The following NAA25 variants were observed in gnomAD, a reference collection of about 807,000 sequenced individuals.
NAA25 encodes the protein N-alpha-acetyltransferase 25, NatB auxiliary subunit.
A neutral mutation model predicts 132.5 loss-of-function variants in NAA25; 30 were observed. The observed-to-expected ratio is 0.23, with a 90% CI of 0.17 to 0.31. The LOEUF (loss-of-function observed/expected upper bound fraction) is 0.31, where lower values mean the gene tolerates loss of function less well. Among genes scored for constraint, NAA25 ranks in the 10% least tolerant of loss-of-function variants. The pLI, the probability that NAA25 is intolerant of heterozygous loss-of-function variation, is 1.00. For synonymous variants in NAA25, 359 were observed against 401.9 expected (o/e 0.89, Z 1.28); for missense variants, 771 against 1,150.4 (o/e 0.67, Z 4.77).
intron 15 of NAA25, among the ~76,000 whole-genome samples, chr12:112,051,099 G>C (rs565786610): frequency 1.2e-4 from 18 of 152,294 alleles, no homozygotes; most frequent in Non-Finnish European, 2.4e-4. Flanking sequence ...CACACAGTAA[G>C]ACACTACAAT....
At chr12:112,097,815 G>GA (rs1158128558) in intron 1 of NAA25, among the ~76,000 whole-genome samples, 3 of 151,828 alleles carry the variant, frequency 2.0e-5, no homozygotes, top group Non-Finnish European at 4.4e-5. Flanking sequence ...GAGTAAGCAG[G>GA]AAAAAACATT....
chr12:112,048,185 C>T, intron 16 of NAA25, 107 bp downstream of exon 16: 1 of 1,064,678 alleles, frequency 9.4e-7, no homozygotes, highest in Admixed American at 2.6e-5. Context: ...TCCCTTTTTT[C>T]CCCCTATTTT....
rs2078869976 is a variant in NAA25, at chr12:112,074,709, C to T, written c.832G>A (p.Glu278Lys). ...TCAGCAGGAGGACTCCAGGCCTCTT[C>T]AATCAGTCGAAAGACAGAATCGAAA... The part of the protein sequence containing the change: ...TYFDSVFRLI[E>K]EAWSPPAEGE... Residue 278 changes from glutamate (E) to lysine (K), a missense_variant, in exon 9 of 24, where the codon GAA becomes AAA. Physicochemically the swap from Glu to Lys is moderately conservative, Grantham distance 56. Around this residue, in one of 3 missense-constraint regions of NAA25, gnomAD observed 417 missense variants for 733.8 expected, o/e 0.57. Coordinates refer to ENST00000261745, the MANE Select transcript of NAA25 (RefSeq NM_024953.4). 2 of 1,611,630 alleles carry T rather than the reference C, an allele frequency of 1.2e-6. No individual in the cohort carries two copies.
At chr12:112,096,136 C>T (rs997352645) in intron 1 of NAA25, among the ~76,000 whole-genome samples, 10 of 152,136 alleles carry the variant, frequency 6.6e-5, no homozygotes, top group East Asian at 1.9e-4. Flanking sequence ...CAGTTTTATG[C>T]TCTAAAAACA....
chr12:112,051,462 C>A (rs777733072), intron 15 of NAA25, among the ~76,000 whole-genome samples: 1 of 152,130 alleles, frequency 6.6e-6, no homozygotes, highest in African/African-American at 2.4e-5. Context: ...CCACCCACCT[C>A]GGCCTCCCAG....
intron 23 of NAA25, among the ~76,000 whole-genome samples, chr12:112,029,941 G>C (rs781748894): frequency 6.6e-6 from 1 of 152,094 alleles, no homozygotes; most frequent in Non-Finnish European, 1.5e-5. Flanking sequence ...GGCCAGGCAC[G>C]GTGGCTCACG....
At chr12:112,062,827 G>A (rs1197805421) in intron 11 of NAA25, among the ~76,000 whole-genome samples, 1 of 152,078 alleles carries the variant, frequency 6.6e-6, no homozygotes, top group Non-Finnish European at 1.5e-5. Flanking sequence ...AGAATCACTT[G>A]TGCTCAAGAG....
chr12:112,078,010 T>C (rs2078918123), intron 7 of NAA25, among the ~76,000 whole-genome samples, 178 bp downstream of exon 7: 1 of 152,070 alleles, frequency 6.6e-6, no homozygotes, highest in African/African-American at 2.4e-5. Context: ...TCTGTTATTT[T>C]CAAGTAAAAA....
At chr12:112,099,454 AT>A (rs2079260315) in intron 1 of NAA25, among the ~76,000 whole-genome samples, 6 of 152,150 alleles carry the variant, frequency 3.9e-5, no homozygotes. Flanking sequence ...TATAAAATAA[AT>A]TTAATTTTAA....
At chr12:112,063,463 A>G (rs1490414072) in intron 11 of NAA25, among the ~76,000 whole-genome samples, 1 of 152,206 alleles carries the variant, frequency 6.6e-6, no homozygotes, top group African/African-American at 2.4e-5. Context: ...AAACAGGGGA[A>G]TAAAGTAAAA....
rs2078433947 is a variant in NAA25 at position 112,049,677 on chromosome 12, CAAG to C, written c.1729-1237_1729-1235del. The C allele has an allele frequency of 6.1e-6, 6 of 981,740 alleles. No homozygotes were observed. Among genetic ancestry groups the C allele is most frequent in the Middle Eastern group, 5.2e-4 (1 of 1,908 alleles). 60.8% of individuals were successfully genotyped at this position (981,740 alleles called of 1,614,324 possible). On this transcript the variant is annotated intron_variant, in intron 15 of 23. Coordinates refer to ENST00000261745, the MANE Select transcript of NAA25 (RefSeq NM_024953.4). This position sits in a 1 kb window ranked among gnomAD's most constrained non-coding sequence, Gnocchi z 4.7. ...AGATTACTTGTGATCCTGCAGGTTT[CAAG>C]AAGGACTACCTGAAAAAGCTCGAGT...
chr12:112,090,646 A>T, intron 3 of NAA25, 80 bp downstream of exon 3: 1 of 1,446,646 alleles, frequency 6.9e-7, no homozygotes, highest in Non-Finnish European at 9.5e-7. Context: ...CATGAGTGAG[A>T]AATCAGACAA....
At chr12:112,104,998 C>T (rs1296974237) in intron 1 of NAA25, among the ~76,000 whole-genome samples, 1 of 151,550 alleles carries the variant, frequency 6.6e-6, no homozygotes, top group Non-Finnish European at 1.5e-5. Flanking sequence ...GCCTGGGTGA[C>T]AGAGCAAGAC....
intron 4 of NAA25, among the ~76,000 whole-genome samples, chr12:112,086,669 A>T (rs1394449342): frequency 6.6e-6 from 1 of 152,078 alleles, no homozygotes; most frequent in Non-Finnish European, 1.5e-5. Flanking sequence ...AATCCAAAAA[A>T]TTTTGCCTTC....
At chr12:112,101,314 T>C (rs1593842572) in intron 1 of NAA25, among the ~76,000 whole-genome samples, 2 of 152,162 alleles carry the variant, frequency 1.3e-5, no homozygotes, top group South Asian at 4.1e-4. Context: ...AGAAACTATG[T>C]CTGTGCTGTT....
At chr12:112,073,272 A>G (rs1429776717) in intron 9 of NAA25, among the ~76,000 whole-genome samples, 1 of 151,846 alleles carries the variant, frequency 6.6e-6, no homozygotes, top group Non-Finnish European at 1.5e-5. Flanking sequence ...ACACACACAC[A>G]CACACACACA....
chr12:112,082,292 G>A (rs1259919138), intron 4 of NAA25, among the ~76,000 whole-genome samples: 1 of 151,996 alleles, frequency 6.6e-6, no homozygotes, highest in East Asian at 1.9e-4. Flanking sequence ...TCCTAGGCCA[G>A]CCATGATGAT....
Position 112,093,265 on chromosome 12 carries a change from C to T in NAA25, c.59-129G>A, listed in dbSNP as rs541798458. On this transcript the variant is annotated intron_variant, in intron 1 of 23. Transcript: ENST00000261745. ...TATATAAAACATCATGGAGGCCGGGCGTGGTGGCTTACACCTGTAATCCCA... is the reference window on the plus strand; with the variant it reads ...TATATAAAACATCATGGAGGCCGGGTGTGGTGGCTTACACCTGTAATCCCA... 4.2e-4 allele frequency: 227 copies of T among 541,732 alleles called. 3 individuals carry two copies. The highest frequency in any genetic ancestry group is 3.9e-3 in the South Asian group (200 of 51,166). The allele number at this position is 541,732 out of a possible 1,614,324, so 33.6% of individuals were successfully genotyped here.
chr12:112,066,546 C>T (rs1212918420), intron 11 of NAA25, among the ~76,000 whole-genome samples: 2 of 152,148 alleles, frequency 1.3e-5, no homozygotes, highest in Admixed American at 6.6e-5. Context: ...AATAAGTGAA[C>T]GGCAATATCA....
Sources: allele counts gnomAD v4.1 joint callset (sites outside exome capture counted in the v4.1 genomes callset), GRCh38; gene constraint gnomAD v4.1.1; regional missense constraint gnomAD v4.1.1; non-coding constraint Gnocchi (gnomAD v3.1); transcripts MANE v1.5; gene names NCBI Gene and HGNC (gene_info 2026-07-23, HGNC 2026-07-21).